The following UBA2 variants were observed in gnomAD, a reference collection of about 807,000 sequenced individuals.
UBA2 encodes the protein SUMO-activating enzyme subunit 2.
A neutral mutation model predicts 77.2 loss-of-function variants in UBA2; 11 were observed. The observed-to-expected ratio is 0.14, with a 90% CI of 0.09 to 0.24. The LOEUF (loss-of-function observed/expected upper bound fraction) is 0.24. Ranked by LOEUF, UBA2 falls within the 10% of genes least tolerant of loss-of-function variation. UBA2 has a pLI of 1.00. For synonymous variants in UBA2, 278 were observed against 276.7 expected, an observed-to-expected ratio of 1.00 and a Z score of -0.05; for missense variants, 487 against 781.7, an observed-to-expected ratio of 0.62 and a Z score of 4.50.
At chr19:34,452,506 G>GA (rs1319668844) in intron 10 of UBA2, among the ~76,000 whole-genome samples, 1 of 152,168 alleles carries the variant, frequency 6.6e-6, no homozygotes, top group Non-Finnish European at 1.5e-5. Context: ...ATTTGCCCTT[G>GA]AAAATAGTAA....
chr19:34,431,716 G>A, intron 2 of UBA2, 145 bp from the exon 3 acceptor site: 1 of 676,250 alleles, frequency 1.5e-6, no homozygotes, highest in South Asian at 1.9e-5. Context: ...TAACCCTAAT[G>A]CAATTTTCTC....
At chr19:34,436,353 G>A (rs2145498035) in intron 5 of UBA2, among the ~76,000 whole-genome samples, 1 of 152,152 alleles carries the variant, frequency 6.6e-6, no homozygotes, top group South Asian at 2.1e-4. Context: ...AGGCTGCAGT[G>A]CAGTGGCGCG....
intron 5 of UBA2, among the ~76,000 whole-genome samples, chr19:34,436,066 G>A (rs1371083439): frequency 1.3e-5 from 2 of 148,586 alleles, no homozygotes; most frequent in Non-Finnish European, 3.0e-5. Context: ...GTTGCGGTGA[G>A]CTGAGATCAC....
intron 6 of UBA2, 112 bp downstream of exon 6, chr19:34,438,878 G>T: frequency 7.2e-7 from 1 of 1,390,806 alleles, no homozygotes; most frequent in Non-Finnish European, 9.8e-7. Flanking sequence ...ATATGGTGAA[G>T]GGATGCTTTA....
chr19:34,458,331 G>A (rs576163233), intron 12 of UBA2, among the ~76,000 whole-genome samples: 5 of 152,066 alleles, frequency 3.3e-5, no homozygotes, highest in East Asian at 1.9e-4. Flanking sequence ...CGAGGCGGGC[G>A]GATCACGAGG....
intron 14 of UBA2, among the ~76,000 whole-genome samples, chr19:34,462,701 C>G (rs939412290): frequency 1.1e-4 from 16 of 152,138 alleles, no homozygotes; most frequent in African/African-American, 3.1e-4. Flanking sequence ...TGCACTGGCT[C>G]ACACCTCTAA....
chr19:34,454,626 A>G, intron 12 of UBA2, 70 bp downstream of exon 12: 1 of 755,342 alleles, frequency 1.3e-6, no homozygotes, highest in Non-Finnish European at 2.0e-6. Context: ...TACATTAAAC[A>G]GATAATTTTT....
chr19:34,467,737 G>A (rs760736874), intron 16 of UBA2, among the ~76,000 whole-genome samples: 3 of 152,184 alleles, frequency 2.0e-5, no homozygotes, highest in Non-Finnish European at 4.4e-5. Context: ...ATCCAGCCTG[G>A]GTGACAGAGC....
At chr19:34,447,445 G>C (rs1050620346) in intron 8 of UBA2, among the ~76,000 whole-genome samples, 6 of 152,208 alleles carry the variant, frequency 3.9e-5, no homozygotes, top group Non-Finnish European at 8.8e-5. Context: ...TTAAGATGCC[G>C]TAAACTTCGA....
intron 4 of UBA2, 120 bp from the exon 5 acceptor site, chr19:34,434,748 G>C: frequency 1.4e-6 from 1 of 719,000 alleles, no homozygotes; most frequent in East Asian, 2.8e-5. Context: ...TCTGGCCATA[G>C]CTATAAGAAA....
rs1054150789 is a variant in UBA2 at position 34,463,908 on chromosome 19, T to C, written c.1499-118T>C. 8 of 684,660 alleles carry C rather than the reference T, an allele frequency of 1.2e-5. No individual in the cohort carries two copies. In the African/African-American group the frequency reaches 1.4e-4, roughly 12 times the overall value. The allele number at this position is 684,660 out of a possible 1,614,324, so 42.4% of individuals were successfully genotyped here. The stretch of plus-strand genomic sequence containing the variant: ...TACTGGGGATTAGGGTTTCAACCTT[T>C]GGATTTTGGTGAACGGGACACAAAT... On this transcript the variant is annotated intron_variant, in intron 14 of 16. Coordinates refer to ENST00000246548, the MANE Select transcript of UBA2 (RefSeq NM_005499.3).
chr19:34,462,064 G>A (rs1187268743), intron 14 of UBA2, among the ~76,000 whole-genome samples: 3 of 152,134 alleles, frequency 2.0e-5, no homozygotes, highest in Non-Finnish European at 4.4e-5. Context: ...GGTGCTGAGG[G>A]GTTGGCAGCA....
chr19:34,448,587 G>A (rs1021397137), intron 8 of UBA2, among the ~76,000 whole-genome samples: 5 of 152,210 alleles, frequency 3.3e-5, no homozygotes, highest in African/African-American at 1.2e-4. Flanking sequence ...TCAAAGAACA[G>A]AGGTGCTGTT....
At chr19:34,454,864 G>T (rs2075541273) in intron 12 of UBA2, among the ~76,000 whole-genome samples, 1 of 152,022 alleles carries the variant, frequency 6.6e-6, no homozygotes, top group African/African-American at 2.4e-5. Flanking sequence ...GTGCTATATG[G>T]GTTTTAAAAT....
intron 14 of UBA2, 144 bp downstream of exon 14, chr19:34,460,710 A>T (rs2075621920): frequency 7.0e-6 from 4 of 573,902 alleles, no homozygotes; most frequent in Non-Finnish European, 1.2e-5. Context: ...TCAAGGTGAC[A>T]TTGCTGGGGG....
At chr19:34,457,185 T>C in intron 12 of UBA2, among the ~76,000 whole-genome samples, 1 of 115,402 alleles carries the variant, frequency 8.7e-6, no homozygotes, top group African/African-American at 3.8e-5. Context: ...AAAAAATATA[T>C]ATATATATAT....
At chr19:34,458,416 C>G (rs533027808) in intron 12 of UBA2, among the ~76,000 whole-genome samples, 1 of 151,556 alleles carries the variant, frequency 6.6e-6, no homozygotes, top group African/African-American at 2.4e-5. Flanking sequence ...AAAAATTAGC[C>G]GGGCGAGGTG....
intron 3 of UBA2, among the ~76,000 whole-genome samples, chr19:34,432,362 A>G (rs1195213987): frequency 1.3e-5 from 2 of 152,358 alleles, no homozygotes; most frequent in East Asian, 3.8e-4. Flanking sequence ...TTGACAGTAC[A>G]TAAATATATT....
In UBA2 at chr19:34,469,908, T is replaced by TC. The variant is rs1182701157; in HGVS notation, c.*689dup. On this transcript the variant is annotated 3_prime_UTR_variant, in exon 17 of 17. Transcript: ENST00000246548. ...TTCTTGTTACACATGCCTGCACAGTTCCTGTTTCTGCTGCCTTATATCTAC... is the reference window on the plus strand; with the variant it reads ...TTCTTGTTACACATGCCTGCACAGTTCCCTGTTTCTGCTGCCTTATATCTAC... 1 of 152,512 alleles carries TC rather than the reference T, an allele frequency of 6.6e-6. No individual in the cohort carries two copies. The highest frequency in any genetic ancestry group is 1.5e-5 in the Non-Finnish European group (1 of 68,022). 9.4% of individuals were successfully genotyped at this position (152,512 alleles called of 1,614,324 possible).
Sources: allele counts gnomAD v4.1 joint callset (sites outside exome capture counted in the v4.1 genomes callset), GRCh38; gene constraint gnomAD v4.1.1; transcripts MANE v1.5; gene names NCBI Gene and HGNC (gene_info 2026-07-23, HGNC 2026-07-21).